EGF: variants seen among roughly 807,000 people sequenced by gnomAD.
The protein encoded by EGF is pro-epidermal growth factor.
EGF carries 95 observed loss-of-function variants against 143.8 expected under a neutral mutation model. That is an observed-to-expected ratio of 0.66 (90% confidence interval 0.56 to 0.78). The LOEUF (loss-of-function observed/expected upper bound fraction) is 0.78, where lower values mean the gene tolerates loss of function less well. EGF is among the 30% of genes least tolerant of loss of function. EGF has a pLI of 0.00. For synonymous variants in EGF, 510 were observed against 510.5 expected (o/e 1.00, Z 0.01); for missense variants, 1,320 against 1,470.9 (o/e 0.90, Z 1.68).
rs1748819520 is a variant in EGF at position 109,978,293 on chromosome 4, TA to T, written c.2054-1674del. On this transcript the variant is annotated intron_variant, in intron 13 of 23. Transcript: ENST00000265171. ...AAAACATATAATATTGTTTGTACAT[TA>T]AAAATGTATTTTAAAAGGTTGAAGA... 1.3e-5 allele frequency among the ~76,000 whole-genome samples: 2 copies of T among 152,244 alleles called. 1 individual carries two copies. The highest frequency in any genetic ancestry group is 4.1e-4 in the South Asian group (2 of 4,836).
intron 10 of EGF, among the ~76,000 whole-genome samples, chr4:109,966,455 T>C (rs1202485867): frequency 6.6e-6 from 1 of 152,174 alleles, no homozygotes; most frequent in Non-Finnish European, 1.5e-5. Flanking sequence ...TGATGGACAC[T>C]TAGATTGATT....
At chr4:109,993,697 AG>A (rs1560753128) in intron 19 of EGF, among the ~76,000 whole-genome samples, 1 of 151,998 alleles carries the variant, frequency 6.6e-6, no homozygotes, top group African/African-American at 2.4e-5. Context: ...AGGGCTAGGC[AG>A]GTCGGTGAGA....
chr4:109,918,519 C>T (rs1411237372), intron 1 of EGF, among the ~76,000 whole-genome samples: 1 of 152,076 alleles, frequency 6.6e-6, no homozygotes, highest in Non-Finnish European at 1.5e-5. Flanking sequence ...TGTCTCTCTC[C>T]TCTGTCTTGG....
intron 5 of EGF, among the ~76,000 whole-genome samples, chr4:109,952,869 C>T (rs1392452841): frequency 6.6e-6 from 1 of 152,160 alleles, no homozygotes; most frequent in Non-Finnish European, 1.5e-5. Context: ...TTTATGTTTT[C>T]TTTCTTGCTG....
chr4:109,953,554 A>C lies in EGF; in HGVS notation c.941-5758A>C, dbSNP rs374515183. Among the ~76,000 whole-genome samples, 25 of 152,356 alleles carry C rather than the reference A, an allele frequency of 1.6e-4. No homozygotes were observed. In the East Asian group the frequency reaches 3.9e-3, roughly 23 times the overall value. ...AGAGTTAGTGTCCTAACCTTCCAGT[A>C]TCCTCCAAAGGTCACTTTTCTTTAA... On this transcript the variant is annotated intron_variant, in intron 5 of 23. Transcript: ENST00000265171.
chr4:109,960,666 T>A (rs1178573297), intron 6 of EGF, among the ~76,000 whole-genome samples: 1 of 152,020 alleles, frequency 6.6e-6, no homozygotes, highest in Non-Finnish European at 1.5e-5. Context: ...AAGCATAAAA[T>A]GTGACAGAAT....
chr4:109,983,062 G>T (rs1749617322), intron 15 of EGF, among the ~76,000 whole-genome samples: 1 of 152,212 alleles, frequency 6.6e-6, no homozygotes, highest in African/African-American at 2.4e-5. Flanking sequence ...TGGAAGACAA[G>T]TTGGGAAGAT....
At chr4:109,922,965 A>G (rs1173037490) in intron 1 of EGF, among the ~76,000 whole-genome samples, 1 of 151,612 alleles carries the variant, frequency 6.6e-6, no homozygotes, top group African/African-American at 2.4e-5. Context: ...CTGTTTCTTC[A>G]AATTTTCAAC....
chr4:109,966,039 AT>A (rs1004724235), intron 10 of EGF, among the ~76,000 whole-genome samples: 44 of 150,168 alleles, frequency 2.9e-4, no homozygotes, highest in African/African-American at 1.0e-3. Flanking sequence ...CTTTAAAAAA[AT>A]ATATATATAT....
At chr4:109,936,372 T>A (rs149747910) in intron 1 of EGF, among the ~76,000 whole-genome samples, 7,831 of 152,322 alleles carry the variant, frequency 0.051, 289 homozygotes, top group Non-Finnish European at 0.083. Context: ...AGTTTGTATT[T>A]CTGTGGGATC....
intron 3 of EGF, 33 bp from the exon 4 acceptor site, chr4:109,943,809 A>AT: frequency 6.3e-7 from 1 of 1,589,814 alleles, no homozygotes; most frequent in Non-Finnish European, 8.6e-7. Flanking sequence ...CTATACATTC[A>AT]TTTTTGGGTC....
intron 1 of EGF, among the ~76,000 whole-genome samples, chr4:109,928,970 G>A (rs1338500393): frequency 6.6e-6 from 1 of 152,018 alleles, no homozygotes; most frequent in African/African-American, 2.4e-5. Context: ...TTTATTTTTT[G>A]TTTACAAATG....
intron 1 of EGF, among the ~76,000 whole-genome samples, chr4:109,915,646 G>A (rs1390380002): frequency 1.3e-5 from 2 of 152,154 alleles, no homozygotes; most frequent in Admixed American, 6.5e-5. Flanking sequence ...CATTTCAGAG[G>A]ATAGTATTTC....
chr4:109,990,550 G>A (rs1750791524), intron 18 of EGF, among the ~76,000 whole-genome samples: 1 of 152,192 alleles, frequency 6.6e-6, no homozygotes, highest in South Asian at 2.1e-4. Flanking sequence ...TAGGTTATAT[G>A]AGGGGAAGAA....
intron 1 of EGF, among the ~76,000 whole-genome samples, chr4:109,919,298 T>TCC (rs1184319874): frequency 2.2e-4 from 24 of 110,248 alleles, no homozygotes; most frequent in African/African-American, 9.0e-4. Flanking sequence ...TCTCTCTCTC[T>TCC]CTCTCTCTCT....
At chr4:109,996,182 A>T (rs2126161750) in intron 20 of EGF, among the ~76,000 whole-genome samples, 1 of 152,338 alleles carries the variant, frequency 6.6e-6, no homozygotes, top group African/African-American at 2.4e-5. Context: ...ATAATAATAT[A>T]AAGGGTACTA....
chr4:109,920,726 A>C (rs1284152197), intron 1 of EGF, among the ~76,000 whole-genome samples: 1 of 151,702 alleles, frequency 6.6e-6, no homozygotes, highest in African/African-American at 2.4e-5. Flanking sequence ...AACCAGAAAC[A>C]ACAACAGCAA....
chr4:109,980,823 T>C lies in EGF; in HGVS notation c.2222-3T>C, dbSNP rs113940170. On this transcript the variant is annotated splice_polypyrimidine_tract_variant and splice_region_variant and intron_variant, in intron 14 of 23. Transcript: ENST00000265171. ...TTGTGAATTTGTTTCTTTTCTCTACTAGGAGCAGATCCCTGCTTATATCAA... is the reference window on the plus strand; with the variant it reads ...TTGTGAATTTGTTTCTTTTCTCTACCAGGAGCAGATCCCTGCTTATATCAA... The C allele has an allele frequency of 1.4e-5, 22 of 1,614,006 alleles. No homozygotes were observed. Among genetic ancestry groups the C allele is most frequent in the Non-Finnish European group, 1.8e-5 (21 of 1,179,898 alleles).
At position 110,011,467 on chromosome 4, in the gene EGF, A is replaced by C; in HGVS notation, c.*12A>C. On this transcript the variant is annotated 3_prime_UTR_variant, in exon 24 of 24. Transcript: ENST00000265171. ...AGCTGACTCAGTGAAAACTGGAATT[A>C]AAAGGAAAGTCAAGAAGAATGAACT... The C allele has an allele frequency of 1.2e-6, 2 of 1,614,194 alleles. No individual in the cohort carries two copies. Among genetic ancestry groups the C allele is most frequent in the Non-Finnish European group, 1.7e-6 (2 of 1,180,008 alleles).
Sources: allele counts gnomAD v4.1 joint callset (sites outside exome capture counted in the v4.1 genomes callset), GRCh38; gene constraint gnomAD v4.1.1; transcripts MANE v1.5; gene names NCBI Gene and HGNC (gene_info 2026-07-23, HGNC 2026-07-21).